Variants in LCMT1 observed in about 807,000 individuals in gnomAD.
The protein encoded by LCMT1 is [Phosphatase 2A protein]-leucine-carboxy methyltransferase 1.
LCMT1 carries 32 observed loss-of-function variants against 47.7 expected under a neutral mutation model. The observed-to-expected ratio is 0.67, with a 90% CI of 0.51 to 0.90. The LOEUF is 0.90. LCMT1 is among the 40% of genes least tolerant of loss of function. The probability of loss-of-function intolerance (pLI) is 0.00; values close to 1 mark genes in which losing one functional copy is unlikely to be tolerated. For missense variants in LCMT1, 375 were observed against 415.2 expected, an observed-to-expected ratio of 0.90 and a Z score of 0.84; for synonymous variants, 152 against 149.7, an observed-to-expected ratio of 1.02 and a Z score of -0.11.
chr16:25,124,214 A>T (rs924675801), intron 1 of LCMT1, among the ~76,000 whole-genome samples: 17 of 152,236 alleles, frequency 1.1e-4, no homozygotes, highest in African/African-American at 4.1e-4. Flanking sequence ...AAACACTGAA[A>T]AAGTTTAAAT....
chr16:25,124,515 A>G (rs896746039), intron 1 of LCMT1, among the ~76,000 whole-genome samples: 1 of 152,194 alleles, frequency 6.6e-6, no homozygotes, highest in African/African-American at 2.4e-5. Context: ...TCCTATTTGT[A>G]TGTATTCATA....
intron 3 of LCMT1, among the ~76,000 whole-genome samples, chr16:25,133,385 G>GTTTTTTTTTT (rs1177872054): frequency 3.8e-5 from 2 of 52,620 alleles, no homozygotes; most frequent in Non-Finnish European, 6.6e-5. Flanking sequence ...CTGGGCTTAG[G>GTTTTTTTTTT]TTTTTTTTTT....
At chr16:25,113,160 A>AG (rs1959681867) in intron 1 of LCMT1, among the ~76,000 whole-genome samples, 2 of 150,578 alleles carry the variant, frequency 1.3e-5, no homozygotes, top group Admixed American at 1.3e-4. Flanking sequence ...AAAAAAAAAA[A>AG]GTGAGAAGAA....
At chr16:25,133,971 G>A (rs1406272715) in intron 3 of LCMT1, among the ~76,000 whole-genome samples, 1 of 150,694 alleles carries the variant, frequency 6.6e-6, no homozygotes, top group East Asian at 2.0e-4. Flanking sequence ...GATTGTGGTT[G>A]CAGTGAGTCG....
At chr16:25,146,323 G>C (rs1960851455) in intron 4 of LCMT1, 1 of 152,558 alleles carries the variant, frequency 6.6e-6, no homozygotes, top group Non-Finnish European at 1.5e-5. Context: ...CCAGGGTGCT[G>C]TCAGGCGGTG....
rs367578907 is a variant in LCMT1, at chr16:25,169,910, G to T, written c.792+697G>T. Among the ~76,000 whole-genome samples, 7 of 151,798 alleles carry T rather than the reference G, an allele frequency of 4.6e-5. No individual in the cohort carries two copies. The East Asian group carries it at 1.4e-3, about 30-fold the overall frequency. Reference sequence around the variant, plus strand: ...TTTTTCTCATAACACCTCCCACCCCGCCCCCATATAAGTAGGTTCATTTTT... The same window carrying T: ...TTTTTCTCATAACACCTCCCACCCCTCCCCCATATAAGTAGGTTCATTTTT... On this transcript the variant is annotated intron_variant, in intron 8 of 10. Coordinates refer to ENST00000399069, the MANE Select transcript of LCMT1 (RefSeq NM_016309.3).
chr16:25,166,880 G>A (rs1269349901), intron 7 of LCMT1, among the ~76,000 whole-genome samples: 1 of 152,130 alleles, frequency 6.6e-6, no homozygotes, highest in East Asian at 1.9e-4. Flanking sequence ...ATGGAAGCTG[G>A]CCTCACTGGT....
intron 3 of LCMT1, among the ~76,000 whole-genome samples, chr16:25,134,141 G>A (rs970027727): frequency 2.6e-5 from 4 of 151,292 alleles, no homozygotes; most frequent in South Asian, 4.2e-4. Flanking sequence ...TAATGGGAAC[G>A]TGCATTTCTC....
chr16:25,117,073 G>A (rs1362300392), intron 1 of LCMT1, among the ~76,000 whole-genome samples: 1 of 152,150 alleles, frequency 6.6e-6, no homozygotes, highest in African/African-American at 2.4e-5. Context: ...AAGGTCCCAA[G>A]GAGTATGGGT....
At chr16:25,117,766 C>T (rs1194734059) in intron 1 of LCMT1, among the ~76,000 whole-genome samples, 1 of 151,576 alleles carries the variant, frequency 6.6e-6, no homozygotes, top group Admixed American at 6.6e-5. Flanking sequence ...ATGGGAGAAT[C>T]GCTTGAACTG....
At chr16:25,125,348 C>G (rs1960132103) in intron 1 of LCMT1, among the ~76,000 whole-genome samples, 1 of 152,182 alleles carries the variant, frequency 6.6e-6, no homozygotes, top group Non-Finnish European at 1.5e-5. Flanking sequence ...GCAGAGAAAT[C>G]TTTGTGCCCA....
At chr16:25,128,705 G>T in intron 2 of LCMT1, 139 bp downstream of exon 2, 1 of 650,458 alleles carries the variant, frequency 1.5e-6, no homozygotes, top group Non-Finnish European at 2.7e-6. Flanking sequence ...TCACCAACAC[G>T]GTGTGTTATA....
At chr16:25,147,562 G>T (rs937278403) in intron 4 of LCMT1, 1 of 152,166 alleles carries the variant, frequency 6.6e-6, no homozygotes. Flanking sequence ...TCCATTCACA[G>T]AATAGGTCGG....
chr16:25,115,770 C>T lies in LCMT1; in HGVS notation c.113+3774C>T, dbSNP rs147405840. On this transcript the variant is annotated intron_variant, in intron 1 of 10. Coordinates refer to ENST00000399069, the MANE Select transcript of LCMT1 (RefSeq NM_016309.3). ...TTGGTTCACTGCAACCTCTCCCTCC[C>T]GGGTTCAAGCAATTCTCCCACTTCA... Among the ~76,000 whole-genome samples the T allele has an allele frequency of 1.8e-3, 273 of 152,254 alleles. 6 individuals are homozygous for T. In the East Asian group the frequency reaches 0.044, roughly 25 times the overall value.
intron 10 of LCMT1, among the ~76,000 whole-genome samples, chr16:25,176,166 T>C (rs1961927772): frequency 6.6e-6 from 1 of 152,144 alleles, no homozygotes; most frequent in Non-Finnish European, 1.5e-5. Context: ...CTATCTCTGT[T>C]TCTTGTTACC....
At chr16:25,173,353 A>G (rs1339587423) in intron 9 of LCMT1, among the ~76,000 whole-genome samples, 1 of 152,228 alleles carries the variant, frequency 6.6e-6, no homozygotes, top group Non-Finnish European at 1.5e-5. Context: ...GGATTTTTCT[A>G]GAACTTGGTA....
At chr16:25,154,518 GCT>G (rs1961179611) in intron 5 of LCMT1, among the ~76,000 whole-genome samples, 1 of 97,892 alleles carries the variant, frequency 1.0e-5, no homozygotes, top group South Asian at 3.3e-4. Context: ...TGAGAGTCTT[GCT>G]CTGTCACCCA....
chr16:25,120,749 TTTG>T (rs1427396880), intron 1 of LCMT1, among the ~76,000 whole-genome samples: 7 of 144,246 alleles, frequency 4.9e-5, no homozygotes, highest in African/African-American at 1.8e-4. Flanking sequence ...GTTTTTTTTT[TTTG>T]TTTTTTTTTT....
At chr16:25,172,359 C>G (rs1961801572) in intron 9 of LCMT1, among the ~76,000 whole-genome samples, 1 of 151,170 alleles carries the variant, frequency 6.6e-6, no homozygotes, top group African/African-American at 2.4e-5. Flanking sequence ...TACGCAGATA[C>G]AGTATATTGA....
Sources: allele counts gnomAD v4.1 joint callset (sites outside exome capture counted in the v4.1 genomes callset), GRCh38; gene constraint gnomAD v4.1.1; transcripts MANE v1.5; gene names NCBI Gene and HGNC (gene_info 2026-07-23, HGNC 2026-07-21).